Variants in HMGB1 observed in about 807,000 individuals in gnomAD.
HMGB1 encodes high mobility group box 1, also known as high mobility group protein B1.
For synonymous variants in HMGB1, 81 were observed against 84.0 expected, an observed-to-expected ratio of 0.96 and a Z score of 0.19; for missense variants, 79 against 253.5, an observed-to-expected ratio of 0.31 and a Z score of 4.67.
At chr13:30,466,593 C>T (rs1886795133), upstream of HMGB1, among the ~76,000 whole-genome samples, 1 of 152,214 alleles carries the variant, frequency 6.6e-6, no homozygotes, top group South Asian at 2.1e-4. Context: ...GTCAGGCTCG[C>T]TGAGCAGCTG....
At chr13:30,463,720 G>A (rs779738340) in intron 1 of HMGB1, 26 bp from the exon 2 acceptor site, 3 of 1,430,936 alleles carry the variant, frequency 2.1e-6, no homozygotes, top group East Asian at 2.3e-5. Flanking sequence ...AATATTTGAT[G>A]TTAGCAATAA....
chr13:30,557,396 T>C (rs1869737010), intron 1 of HMGB1, among the ~76,000 whole-genome samples: 2 of 152,164 alleles, frequency 1.3e-5, no homozygotes, highest in Non-Finnish European at 2.9e-5. Flanking sequence ...CTATGTTCCT[T>C]TGCGTTTTTG....
At chr13:30,585,368 T>C (rs1381541193) in intron 1 of HMGB1, among the ~76,000 whole-genome samples, 1 of 151,926 alleles carries the variant, frequency 6.6e-6, no homozygotes, top group Non-Finnish European at 1.5e-5. Flanking sequence ...ACCCAATGCA[T>C]TGCTGAAATG....
At chr13:30,462,502 TGTC>T (rs756653646) in intron 4 of HMGB1, 33 bp downstream of exon 4, 5 of 1,530,320 alleles carry the variant, frequency 3.3e-6, no homozygotes, top group Non-Finnish European at 4.5e-6. Context: ...CTGGCGTACT[TGTC>T]ATCATTTTAC....
intron 1 of HMGB1, among the ~76,000 whole-genome samples, chr13:30,610,558 T>G (rs1468634593): frequency 6.6e-6 from 1 of 152,224 alleles, no homozygotes; most frequent in African/African-American, 2.4e-5. Flanking sequence ...CCAGAGAGGT[T>G]AAATAATTTG....
At chr13:30,533,901 G>C (rs957884689) in intron 1 of HMGB1, among the ~76,000 whole-genome samples, 1 of 141,256 alleles carries the variant, frequency 7.1e-6, no homozygotes, top group African/African-American at 2.6e-5. Flanking sequence ...TTTCGCTCTT[G>C]TTGCCCGGGC....
In HMGB1 at chr13:30,538,621, C is replaced by T. The variant is rs146814411; in HGVS notation, c.-14-74927G>A. Among the ~76,000 whole-genome samples, 75 of 109,306 alleles carry T rather than the reference C, an allele frequency of 6.9e-4. 5 individuals are homozygous for T. Among genetic ancestry groups the T allele is most frequent in the African/African-American group, 3.9e-3 (73 of 18,856 alleles). The allele number at this position is 109,306 out of a possible 152,430, so 71.7% of individuals were successfully genotyped here. On this transcript the variant is annotated intron_variant, in intron 1 of 4. Transcript: ENST00000405805. ...TCTTTTTCTTTCTTTCTCTTTCTCT[C>T]TCTCTTTCTTTTTCTTTCTTCCTTT...
intron 1 of HMGB1, among the ~76,000 whole-genome samples, chr13:30,493,049 C>T (rs1419037106): frequency 2.0e-5 from 3 of 150,758 alleles, no homozygotes; most frequent in Non-Finnish European, 4.4e-5. Flanking sequence ...TCAACCTCGT[C>T]GTTCTGCCTC....
Position 30,519,569 on chromosome 13 carries a change from G to A in HMGB1, c.-14-55875C>T, listed in dbSNP as rs185223775. On this transcript the variant is annotated intron_variant, in intron 1 of 4. Transcript: ENST00000405805. ...AAAAAAATTAGCCAGGCGTGGTGGC[G>A]GGCGCCTGTAGTCCCAGCTACTTGG... is the stretch of plus-strand genomic sequence containing the variant. Among the ~76,000 whole-genome samples, 303 of 140,472 alleles carry A rather than the reference G, an allele frequency of 2.2e-3. 3 individuals are homozygous for A. The East Asian group carries it at 0.022, about 10-fold the overall frequency. 92.2% of individuals were successfully genotyped at this position (140,472 alleles called of 152,430 possible).
chr13:30,563,671 C>T (rs1013890187), intron 1 of HMGB1, among the ~76,000 whole-genome samples: 4 of 152,196 alleles, frequency 2.6e-5, no homozygotes, highest in Non-Finnish European at 5.9e-5. Flanking sequence ...TACATTACAG[C>T]CATGCACTTC....
chr13:30,551,256 T>G (rs1374823792), intron 1 of HMGB1, among the ~76,000 whole-genome samples: 1 of 152,208 alleles, frequency 6.6e-6, no homozygotes, highest in East Asian at 1.9e-4. Flanking sequence ...TTAAATACAT[T>G]CTAAAACTAA....
At chr13:30,585,146 T>C (rs139193836) in intron 1 of HMGB1, among the ~76,000 whole-genome samples, 50 of 142,796 alleles carry the variant, frequency 3.5e-4, no homozygotes, top group African/African-American at 1.3e-3. Flanking sequence ...TGATACCTCA[T>C]CTAAAAAAAA....
At chr13:30,532,393 A>C (rs1236905898) in intron 1 of HMGB1, among the ~76,000 whole-genome samples, 1 of 151,822 alleles carries the variant, frequency 6.6e-6, no homozygotes, top group African/African-American at 2.4e-5. Flanking sequence ...TCCACTAAGC[A>C]GTGACGCAGA....
intron 1 of HMGB1, among the ~76,000 whole-genome samples, chr13:30,582,874 T>C (rs1020666744): frequency 6.6e-6 from 1 of 152,208 alleles, no homozygotes; most frequent in African/African-American, 2.4e-5. Context: ...CCTGTCAGCA[T>C]TGGCTCCCAA....
intron 1 of HMGB1, among the ~76,000 whole-genome samples, chr13:30,569,603 T>G (rs1269154262): frequency 6.6e-6 from 1 of 152,176 alleles, no homozygotes; most frequent in Non-Finnish European, 1.5e-5. Flanking sequence ...CATAAGTGCG[T>G]CACTTGTCTG....
intron 1 of HMGB1, among the ~76,000 whole-genome samples, chr13:30,587,072 A>G (rs1345583556): frequency 6.6e-6 from 1 of 152,132 alleles, no homozygotes; most frequent in Non-Finnish European, 1.5e-5. Flanking sequence ...TTAAACAGGG[A>G]CCAACAATAA....
intron 1 of HMGB1, among the ~76,000 whole-genome samples, chr13:30,525,344 C>T (rs1023001197): frequency 2.0e-5 from 3 of 152,122 alleles, no homozygotes; most frequent in African/African-American, 7.2e-5. Flanking sequence ...CAAAATGTCT[C>T]AGTATTCTTG....
At chr13:30,610,163 CGTTA>C (rs1364984124) in intron 1 of HMGB1, among the ~76,000 whole-genome samples, 1 of 152,160 alleles carries the variant, frequency 6.6e-6, no homozygotes, top group Non-Finnish European at 1.5e-5. Context: ...ATACAAAATA[CGTTA>C]GTCAACAATA....
chr13:30,475,254 A>T (rs1593264974), intron 1 of HMGB1, among the ~76,000 whole-genome samples: 1 of 120,910 alleles, frequency 8.3e-6, no homozygotes, highest in African/African-American at 3.2e-5. Context: ...ATAGGGTCTC[A>T]CCTAGGCTGG....
Sources: gnomAD v4.1 joint callset for allele counts (sites outside exome capture counted in the v4.1 genomes callset) on GRCh38, gnomAD v4.1.1 for gene constraint, MANE v1.5 for transcripts, NCBI Gene and HGNC (gene_info 2026-07-23, HGNC 2026-07-21) for gene names.